The following NELL1 variants were observed in gnomAD, a reference collection of about 807,000 sequenced individuals.
The protein encoded by NELL1 is protein kinase C-binding protein NELL1.
In NELL1, 76 loss-of-function variants were observed where a neutral mutation model predicts 107.4. The ratio of observed to expected loss-of-function variants is 0.71; its 90% CI spans 0.59 to 0.86. NELL1 has a LOEUF of 0.86. Among genes scored for constraint, NELL1 ranks in the 40% least tolerant of loss-of-function variants. NELL1 has a pLI of 0.00. For synonymous variants in NELL1, 353 were observed against 341.2 expected (o/e 1.03, Z -0.38); for missense variants, 1,024 against 1,005.5 (o/e 1.02, Z -0.25).
chr11:21,295,821 G>C (rs1316647646), intron 14 of NELL1, among the ~76,000 whole-genome samples: 1 of 151,828 alleles, frequency 6.6e-6, no homozygotes, highest in Non-Finnish European at 1.5e-5. Context: ...GGAAATGCAA[G>C]GAAAAGAGAA....
At chr11:21,139,136 C>T (rs903643695) in intron 13 of NELL1, among the ~76,000 whole-genome samples, 3 of 152,132 alleles carry the variant, frequency 2.0e-5, no homozygotes, top group African/African-American at 7.2e-5. Flanking sequence ...CTTCTGCCAC[C>T]CAAAATACCA....
rs577559062 is a variant in NELL1, at chr11:20,702,321, G to T, written c.184+24261G>T. Among the ~76,000 whole-genome samples the T allele has an allele frequency of 6.6e-3, 1,000 of 152,202 alleles. 7 individuals carry two copies. Among genetic ancestry groups the T allele is most frequent in the African/African-American group, 0.023 (951 of 41,532 alleles). On this transcript the variant is annotated intron_variant, in intron 2 of 19. Transcript: ENST00000357134. Reference sequence around the variant, plus strand: ...TTTGGCTCTCTGTTTGTCTGTTATTGGTGTATAAGAATGCTTGTGATTTTT... The same window carrying T: ...TTTGGCTCTCTGTTTGTCTGTTATTTGTGTATAAGAATGCTTGTGATTTTT...
intron 14 of NELL1, among the ~76,000 whole-genome samples, chr11:21,261,220 A>C (rs1333708618): frequency 1.3e-5 from 2 of 151,170 alleles, no homozygotes; most frequent in East Asian, 3.9e-4. Context: ...TTTCAAGGTC[A>C]GGGGTACAAG....
rs1318291116 is a variant in NELL1 at position 20,874,420 on chromosome 11, C to T, written c.507-11024C>T. 2.6e-5 allele frequency among the ~76,000 whole-genome samples: 4 copies of T among 152,136 alleles called. No homozygotes were observed. In the East Asian group the frequency reaches 7.7e-4, roughly 29 times the overall value. The stretch of plus-strand genomic sequence containing the variant: ...AGGGTTTTTAGCCAGTGTGGCATGG[C>T]AGAAGTTTACACCTGGATTTGAATT... On this transcript the variant is annotated intron_variant, in intron 4 of 19. Coordinates refer to ENST00000357134, the MANE Select transcript of NELL1 (RefSeq NM_006157.5).
intron 12 of NELL1, among the ~76,000 whole-genome samples, chr11:21,040,563 AAAG>A (rs571439063): frequency 6.6e-5 from 10 of 152,248 alleles, no homozygotes; most frequent in Admixed American, 1.3e-4. Flanking sequence ...ATATGAGCAC[AAAG>A]AAGGAGCTGG....
intron 15 of NELL1, among the ~76,000 whole-genome samples, chr11:21,498,845 T>A (rs151158494): frequency 4.0e-4 from 61 of 152,178 alleles, no homozygotes; most frequent in Non-Finnish European, 8.1e-4. Context: ...ACCTGACCTA[T>A]GTGAACTGGC....
intron 13 of NELL1, among the ~76,000 whole-genome samples, chr11:21,161,944 C>T (rs866010995): frequency 1.3e-3 from 112 of 83,034 alleles, no homozygotes; most frequent in African/African-American, 1.7e-3. Context: ...GGAACATAAT[C>T]TTTTTTTTTT....
At chr11:20,803,813 C>G (rs1857327050) in intron 3 of NELL1, among the ~76,000 whole-genome samples, 1 of 151,998 alleles carries the variant, frequency 6.6e-6, no homozygotes, top group African/African-American at 2.4e-5. Context: ...GCAGACCCAC[C>G]CTTAATCTGG....
intron 15 of NELL1, among the ~76,000 whole-genome samples, chr11:21,438,912 A>G (rs925609232): frequency 6.6e-6 from 1 of 151,890 alleles, no homozygotes; most frequent in Non-Finnish European, 1.5e-5. Context: ...GACTGGATTC[A>G]AAGGAAGTCA....
intron 13 of NELL1, among the ~76,000 whole-genome samples, chr11:21,179,393 A>T (rs558816175): frequency 6.6e-6 from 1 of 151,978 alleles, no homozygotes; most frequent in Admixed American, 6.5e-5. Context: ...TCAAAACTCA[A>T]TGGCTTAAAA....
At chr11:21,544,389 T>C (rs1399332831) in intron 16 of NELL1, among the ~76,000 whole-genome samples, 2 of 151,970 alleles carry the variant, frequency 1.3e-5, no homozygotes, top group African/African-American at 4.8e-5. Flanking sequence ...CTGATATAGG[T>C]TATACTTTAA....
At chr11:21,555,692 T>G (rs1856687407) in intron 16 of NELL1, among the ~76,000 whole-genome samples, 1 of 151,872 alleles carries the variant, frequency 6.6e-6, no homozygotes, top group South Asian at 2.1e-4. Context: ...TGAAAATTCT[T>G]CCTAAAAGAT....
chr11:21,358,461 A>G (rs1403774143), intron 14 of NELL1, among the ~76,000 whole-genome samples: 2 of 151,194 alleles, frequency 1.3e-5, no homozygotes, highest in African/African-American at 4.9e-5. Context: ...GTGCAGTGGC[A>G]TGATCTCCGC....
intron 2 of NELL1, among the ~76,000 whole-genome samples, chr11:20,683,059 C>T (rs952156798): frequency 6.6e-6 from 1 of 151,928 alleles, no homozygotes; most frequent in Non-Finnish European, 1.5e-5. Context: ...TCTATCTTCT[C>T]GTGATTTGTT....
At position 20,986,274 on chromosome 11, in the gene NELL1, C is replaced by T. The variant is rs576106350; in HGVS notation, c.1300+25714C>T. On this transcript the variant is annotated intron_variant, in intron 12 of 19. Coordinates refer to ENST00000357134, the MANE Select transcript of NELL1 (RefSeq NM_006157.5). ...TCAGGACTTTTCAGAGCCTCAGGAC[C>T]CTCCTTTCACATTTGCAGTTGTATT... Among the ~76,000 whole-genome samples the T allele has an allele frequency of 3.2e-4, 48 of 152,262 alleles. No homozygotes were observed. In the South Asian group the frequency reaches 5.4e-3, roughly 17 times the overall value.
chr11:21,191,241 T>A (rs771653041), intron 13 of NELL1, among the ~76,000 whole-genome samples: 4 of 151,772 alleles, frequency 2.6e-5, no homozygotes, highest in Non-Finnish European at 4.4e-5. Flanking sequence ...GGGATCAATT[T>A]AGTCACAGGA....
chr11:20,973,037 C>G (rs987348021), intron 12 of NELL1, among the ~76,000 whole-genome samples: 3 of 151,718 alleles, frequency 2.0e-5, no homozygotes, highest in African/African-American at 7.3e-5. Flanking sequence ...AGGCTTCCTC[C>G]TCTGGGTTCT....
In NELL1 at chr11:21,076,688, T is replaced by C. The variant is rs527812290; in HGVS notation, c.1301-36901T>C. Among the ~76,000 whole-genome samples, 6 of 152,286 alleles carry C rather than the reference T, an allele frequency of 3.9e-5. No individual in the cohort carries two copies. In the South Asian group the frequency reaches 6.2e-4, roughly 16 times the overall value. On this transcript the variant is annotated intron_variant, in intron 12 of 19. Coordinates refer to ENST00000357134, the MANE Select transcript of NELL1 (RefSeq NM_006157.5). ...CCCAGTGTTGGAGGTAGGGCCTAAT[T>C]GGAGGTGTTTGGGTAAAGGGGGCAG...
intron 2 of NELL1, among the ~76,000 whole-genome samples, chr11:20,701,369 T>C (rs1414056501): frequency 6.6e-6 from 1 of 152,186 alleles, no homozygotes; most frequent in Non-Finnish European, 1.5e-5. Context: ...TGATTTTTTC[T>C]TGTAAGTTTG....
Sources: gnomAD v4.1 joint callset for allele counts (sites outside exome capture counted in the v4.1 genomes callset) on GRCh38, gnomAD v4.1.1 for gene constraint, MANE v1.5 for transcripts, NCBI Gene and HGNC (gene_info 2026-07-23, HGNC 2026-07-21) for gene names.